The following PEF1 variants were observed in gnomAD, a reference collection of about 807,000 sequenced individuals.
PEF1 encodes the protein peflin.
In PEF1, 17 loss-of-function variants were observed where a neutral mutation model predicts 32.0. That is an observed-to-expected ratio of 0.53 (90% CI 0.36 to 0.80). The LOEUF is 0.80. Ranked by LOEUF, PEF1 falls within the 30% of genes least tolerant of loss-of-function variation. The probability of loss-of-function intolerance (pLI) is 0.00; values close to 1 mark genes in which losing one functional copy is unlikely to be tolerated. For missense variants in PEF1, 362 were observed against 369.1 expected, an observed-to-expected ratio of 0.98 and a Z score of 0.16; for synonymous variants, 130 against 139.8, an observed-to-expected ratio of 0.93 and a Z score of 0.50.
At chr1:31,638,272 G>A (rs1383432166) in intron 1 of PEF1, among the ~76,000 whole-genome samples, 3 of 152,038 alleles carry the variant, frequency 2.0e-5, no homozygotes. Context: ...TTACAGATGG[G>A]GGAGGGAGGG....
chr1:31,635,169 T>C (rs1219540077), intron 2 of PEF1, 53 bp downstream of exon 2: 2 of 1,589,392 alleles, frequency 1.3e-6, no homozygotes, highest in African/African-American at 1.3e-5. Context: ...AGGCTGGCCA[T>C]GGATAACTCA....
chr1:31,633,021 G>T, intron 3 of PEF1, 138 bp downstream of exon 3: 1 of 1,054,476 alleles, frequency 9.5e-7, no homozygotes, highest in Non-Finnish European at 1.4e-6. Flanking sequence ...ATCTCACCCT[G>T]AACCTAGCTT....
rs1640138048 is a variant in PEF1, at chr1:31,632,558, T to C, written c.562A>G (p.Asn188Asp). 2 of 1,614,108 alleles carry C rather than the reference T, an allele frequency of 1.2e-6. No homozygotes were observed. The highest frequency in any genetic ancestry group is 2.7e-5 in the African/African-American group (2 of 74,928). ...ALWKFIQQWK[N>D]LFQQYDRDRS... ...TCCCGGTCATACTGCTGGAAGAGGT[T>C]CTTCCACTGCTGGATGAATTTCCAC... The change falls in exon 4 of 5, where the codon AAC becomes GAC. Residue 188 changes from asparagine to aspartate, a missense_variant. Coordinates refer to ENST00000373703, the MANE Select transcript of PEF1 (RefSeq NM_012392.4).
At chr1:31,633,345 G>C in intron 2 of PEF1, 31 bp from the exon 3 acceptor site, 1 of 1,582,128 alleles carries the variant, frequency 6.3e-7, no homozygotes, top group South Asian at 1.1e-5. Flanking sequence ...GCCATCAACA[G>C]AAATGCCAGG....
At chr1:31,631,572 C>T (rs1640104821) in intron 4 of PEF1, among the ~76,000 whole-genome samples, 1 of 152,138 alleles carries the variant, frequency 6.6e-6, no homozygotes, top group Admixed American at 6.5e-5. Context: ...CCTCAGTTTT[C>T]TCACCGGTAA....
intron 1 of PEF1, among the ~76,000 whole-genome samples, chr1:31,639,595 G>C (rs550388225): frequency 6.6e-6 from 1 of 152,350 alleles, no homozygotes; most frequent in African/African-American, 2.4e-5. Context: ...AACCAGCGGC[G>C]GTGTGGAGGA....
Position 31,637,134 on chromosome 1 carries a change from G to C in PEF1, c.25-1612C>G, listed in dbSNP as rs539348043. On this transcript the variant is annotated intron_variant, in intron 1 of 4. Coordinates refer to ENST00000373703, the MANE Select transcript of PEF1 (RefSeq NM_012392.4). ...TTAAGGCTAAGGCCAAATTCATGAG[G>C]TTTTTTTGTGGGGAGGGCAGGAAGC... is the stretch of plus-strand genomic sequence containing the variant. Among the ~76,000 whole-genome samples the C allele has an allele frequency of 3.3e-5, 5 of 149,352 alleles. No individual in the cohort carries two copies. In the East Asian group the frequency reaches 7.8e-4, roughly 23 times the overall value.
chr1:31,643,379 A>G (rs1640456747), intron 1 of PEF1, among the ~76,000 whole-genome samples: 1 of 152,330 alleles, frequency 6.6e-6, no homozygotes, highest in African/African-American at 2.4e-5. Context: ...TATATTAACA[A>G]TATCTATTAA....
Position 31,630,852 on chromosome 1 carries a change from AG to A in PEF1, c.626-11del, listed in dbSNP as rs1557583254. ...CCCATTTGGGACAGAGCTGGAGAAG[AG>A]GGGCACACAGACCAGACACACAAAA... On this transcript the variant is annotated splice_polypyrimidine_tract_variant and intron_variant, in intron 4 of 4. Transcript: ENST00000373703. 6.3e-7 allele frequency: 1 copy of A among 1,592,706 alleles called. No homozygotes were observed. The highest frequency in any genetic ancestry group is 8.5e-7 in the Non-Finnish European group (1 of 1,171,786).
At chr1:31,632,247 G>A in intron 4 of PEF1, 1 of 668,562 alleles carries the variant, frequency 1.5e-6, no homozygotes, top group South Asian at 1.7e-5. Flanking sequence ...TGTGGCTGGG[G>A]CCGTCTCACC....
chr1:31,640,073 C>T (rs1366906296), intron 1 of PEF1, among the ~76,000 whole-genome samples: 1 of 152,144 alleles, frequency 6.6e-6, no homozygotes, highest in Admixed American at 6.5e-5. Context: ...AGGGGAAGGA[C>T]AGGAAGAGTT....
At chr1:31,634,357 T>C (rs1640200317) in intron 2 of PEF1, among the ~76,000 whole-genome samples, 1 of 152,178 alleles carries the variant, frequency 6.6e-6, no homozygotes. Context: ...CTTACTAGCT[T>C]GTGTGACTTT....
chr1:31,633,300 T>C lies in PEF1; in HGVS notation c.340A>G (p.Asn114Asp). Residue 114 changes from asparagine (N) to aspartate (D), a missense_variant, in exon 3 of 5, where the codon AAT becomes GAT. Asn to Asp is a conservative substitution (Grantham distance 23, BLOSUM62 1). Coordinates refer to ENST00000373703, the MANE Select transcript of PEF1 (RefSeq NM_012392.4). ...GLYGQGGAPP[N>D]VDPEAYSWFQ... ...CAGGAGTAGGCCTCAGGATCCACAT[T>C]GGGAGGGGCGCCACCTGGAGGAAGG... 6.2e-7 allele frequency: 1 copy of C among 1,612,430 alleles called. No individual in the cohort carries two copies. Among genetic ancestry groups the C allele is most frequent in the Non-Finnish European group, 8.5e-7 (1 of 1,179,032 alleles).
chr1:31,641,783 C>T (rs1640396385), intron 1 of PEF1, among the ~76,000 whole-genome samples: 2 of 152,268 alleles, frequency 1.3e-5, no homozygotes, highest in African/African-American at 4.8e-5. Context: ...CCATTGAATA[C>T]TTATCACATT....
At chr1:31,636,722 G>A (rs569422770) in intron 1 of PEF1, among the ~76,000 whole-genome samples, 2 of 152,292 alleles carry the variant, frequency 1.3e-5, no homozygotes, top group Admixed American at 1.3e-4. Flanking sequence ...TCCTACAGAG[G>A]ACAAGACTCA....
In PEF1 at chr1:31,630,214, A is replaced by T. The variant is rs1339597700; in HGVS notation, c.*399T>A. 2.0e-5 allele frequency: 5 copies of T among 249,384 alleles called. No homozygotes were observed. Among genetic ancestry groups the T allele is most frequent in the African/African-American group, 1.1e-4 (5 of 45,706 alleles). The allele number at this position is 249,384 out of a possible 1,614,324, so 15.4% of individuals were successfully genotyped here. The stretch of plus-strand genomic sequence containing the variant: ...ACTTTGGAGAAAATGGGCTCGTTTG[A>T]CAGGATGGCCTGGTGAGGGAACACA... On this transcript the variant is annotated 3_prime_UTR_variant, in exon 5 of 5. Transcript: ENST00000373703.
intron 1 of PEF1, chr1:31,644,521 C>G: frequency 7.5e-7 from 1 of 1,334,294 alleles, no homozygotes; most frequent in Non-Finnish European, 9.6e-7. Flanking sequence ...CTGATGCCCC[C>G]GCCCAAGGCC....
At position 31,632,508 on chromosome 1, in the gene PEF1, T is replaced by G; in HGVS notation, c.612A>C (p.Thr204=). The G allele has an allele frequency of 6.2e-7, 1 of 1,614,236 alleles. No homozygotes were observed. Among genetic ancestry groups the G allele is most frequent in the Non-Finnish European group, 8.5e-7 (1 of 1,180,038 alleles). The change falls in exon 4 of 5, where the codon ACA becomes ACC. Residue 204 remains threonine, a synonymous_variant. Transcript: ENST00000373703. ...CATGACCCGCACCTTGCTGCAGCTC[T>G]GTGTAGCTAATGGAGCCCGAGCGGT... ...DRDRSGSISY[T]ELQQALSQMG...
At chr1:31,635,562 A>T in intron 1 of PEF1, 40 bp from the exon 2 acceptor site, 1 of 1,497,486 alleles carries the variant, frequency 6.7e-7, no homozygotes, top group Non-Finnish European at 8.9e-7. Flanking sequence ...TGATGAGGCC[A>T]GAAACTAGGC....
Sources: allele counts gnomAD v4.1 joint callset (sites outside exome capture counted in the v4.1 genomes callset), GRCh38; gene constraint gnomAD v4.1.1; transcripts MANE v1.5; gene names NCBI Gene and HGNC (gene_info 2026-07-23, HGNC 2026-07-21).